ITPR1: variants seen among roughly 807,000 people sequenced by gnomAD.
The protein encoded by ITPR1 is inositol 1,4,5-trisphosphate-gated calcium channel ITPR1.
A neutral mutation model predicts 318.4 loss-of-function variants in ITPR1; 96 were observed. That is an observed-to-expected ratio of 0.30 (90% CI 0.26 to 0.36). ITPR1 has a LOEUF of 0.36. Ranked by LOEUF, ITPR1 falls within the 10% of genes least tolerant of loss-of-function variation. The probability of loss-of-function intolerance (pLI) is 1.00; values close to 1 mark genes in which losing one functional copy is unlikely to be tolerated. For missense variants in ITPR1, 2,440 were observed against 3,460.2 expected, an observed-to-expected ratio of 0.71 and a Z score of 7.40; for synonymous variants, 1,312 against 1,289.9, an observed-to-expected ratio of 1.02 and a Z score of -0.37.
At chr3:4,524,137 C>T (rs1263413335) in intron 4 of ITPR1, among the ~76,000 whole-genome samples, 1 of 152,168 alleles carries the variant, frequency 6.6e-6, no homozygotes, top group Non-Finnish European at 1.5e-5. Flanking sequence ...ATTCCATGTG[C>T]TAAACCAGAG....
intron 48 of ITPR1, among the ~76,000 whole-genome samples, chr3:4,777,687 G>C (rs1443836954): frequency 6.6e-6 from 1 of 151,786 alleles, no homozygotes; most frequent in East Asian, 1.9e-4. Flanking sequence ...GTCACAAAGA[G>C]AGAAACAGTG....
chr3:4,518,933 C>T (rs771687380), intron 3 of ITPR1, among the ~76,000 whole-genome samples: 4 of 152,248 alleles, frequency 2.6e-5, no homozygotes, highest in Middle Eastern at 3.4e-3. Context: ...AAAAACAAGA[C>T]GGGCAGGATT....
chr3:4,580,330 G>C (rs894826744), intron 4 of ITPR1, among the ~76,000 whole-genome samples: 2 of 152,188 alleles, frequency 1.3e-5, no homozygotes, highest in Admixed American at 6.5e-5. Context: ...TTTTAGGTTC[G>C]ATAAGGATTG....
At chr3:4,767,565 T>C (rs6772040) in intron 45 of ITPR1, among the ~76,000 whole-genome samples, 138,222 of 152,332 alleles carry the variant, frequency 0.91, 62,795 homozygotes, top group Middle Eastern at 0.97. Context: ...GTTGCCCAGG[T>C]TAGAGTGCAG....
intron 42 of ITPR1, among the ~76,000 whole-genome samples, chr3:4,729,471 C>T (rs2042749361): frequency 6.6e-6 from 1 of 152,222 alleles, no homozygotes; most frequent in South Asian, 2.1e-4. Context: ...TCACAGCTCA[C>T]ATGAGAGGGT....
chr3:4,661,113 C>T lies in ITPR1; in HGVS notation c.1251+26C>T, dbSNP rs6783245. On this transcript the variant is annotated intron_variant, in intron 14 of 61. Coordinates refer to ENST00000649015, the MANE Select transcript of ITPR1 (RefSeq NM_001378452.1). ...GTAAGTCCTGGGACTTGCCTGTCTC[C>T]TTTTGGTCTCGTGTTTCCTAATGAA... 56,596 of 1,354,710 alleles carry T rather than the reference C, an allele frequency of 0.042. 5,506 individuals carry two copies. The highest frequency in any genetic ancestry group is 0.35 in the African/African-American group (24,446 of 69,602). The allele number at this position is 1,354,710 out of a possible 1,614,324, so 83.9% of individuals were successfully genotyped here. A position where few individuals can be genotyped will look rare whatever the true frequency, so the allele number is the denominator to read the frequency against.
intron 5 of ITPR1, among the ~76,000 whole-genome samples, chr3:4,631,826 C>A (rs182813335): frequency 6.6e-6 from 1 of 151,842 alleles, no homozygotes; most frequent in Non-Finnish European, 1.5e-5. Flanking sequence ...TTACAGATAC[C>A]CCCAGGCTGG....
chr3:4,609,089 T>TATACACACACAC (rs1171860541), intron 4 of ITPR1, among the ~76,000 whole-genome samples: 7 of 91,952 alleles, frequency 7.6e-5, no homozygotes, highest in East Asian at 3.4e-4. Context: ...TATATATATA[T>TATACACACACAC]ACACACACAC....
At chr3:4,645,079 T>C (rs2093424990) in intron 8 of ITPR1, among the ~76,000 whole-genome samples, 1 of 152,234 alleles carries the variant, frequency 6.6e-6, no homozygotes, top group Non-Finnish European at 1.5e-5. Context: ...ATCAGGCCTT[T>C]ACTTTCTGGC....
chr3:4,549,658 G>A (rs543520816), intron 4 of ITPR1, among the ~76,000 whole-genome samples: 4 of 152,154 alleles, frequency 2.6e-5, no homozygotes, highest in East Asian at 1.9e-4. Flanking sequence ...TGGGGCTGCC[G>A]TCCTCTTCTG....
chr3:4,737,493 C>T (rs977506422), intron 44 of ITPR1, among the ~76,000 whole-genome samples: 2 of 152,168 alleles, frequency 1.3e-5, no homozygotes, highest in Non-Finnish European at 2.9e-5. Context: ...GTGAGAGCAG[C>T]AGTTGGGTTT....
chr3:4,540,448 TATTA>T (rs779790088), intron 4 of ITPR1, among the ~76,000 whole-genome samples: 2 of 152,238 alleles, frequency 1.3e-5, no homozygotes, highest in Non-Finnish European at 2.9e-5. Flanking sequence ...GTCTATTATC[TATTA>T]ATTGGAATGT....
intron 4 of ITPR1, among the ~76,000 whole-genome samples, chr3:4,529,619 C>A (rs970132220): frequency 8.5e-5 from 13 of 152,172 alleles, no homozygotes; most frequent in African/African-American, 2.9e-4. Flanking sequence ...CAATCCTGTG[C>A]CAAAACTAGG....
chr3:4,765,058 G>A (rs990576980), intron 44 of ITPR1, among the ~76,000 whole-genome samples: 3 of 133,778 alleles, frequency 2.2e-5, no homozygotes, highest in African/African-American at 5.7e-5. Flanking sequence ...GAAATAGCAG[G>A]AAACCTAAAA....
At position 4,829,966 on chromosome 3, in the gene ITPR1, TTTTTTTTTTTTTTG is replaced by T. The variant is rs1432441933; in HGVS notation, c.8029-6806_8029-6793del. ...AACATGTATAACAGTTTTTTTTTTT[TTTTTTTTTTTTTTG>T]TGTGTGTGTGTGAAACGGAGTCCTG... On this transcript the variant is annotated intron_variant, in intron 60 of 61. Transcript: ENST00000649015. Among the ~76,000 whole-genome samples the T allele has an allele frequency of 3.1e-4, 32 of 102,230 alleles. 2 individuals are homozygous for T. The East Asian group carries it at 7.5e-3, about 24-fold the overall frequency. The allele number at this position is 102,230 out of a possible 152,430, so 67.1% of individuals were successfully genotyped here.
chr3:4,623,291 C>T (rs993086434), intron 4 of ITPR1, among the ~76,000 whole-genome samples: 4 of 152,206 alleles, frequency 2.6e-5, no homozygotes, highest in Non-Finnish European at 5.9e-5. Context: ...CCACCCAGCC[C>T]CTTAACGCCT....
At chr3:4,692,726 G>A (rs2094498725) in intron 32 of ITPR1, among the ~76,000 whole-genome samples, 1 of 151,612 alleles carries the variant, frequency 6.6e-6, no homozygotes, top group African/African-American at 2.4e-5. Flanking sequence ...TGAAGAGTAA[G>A]TATGGAGAGG....
intron 44 of ITPR1, among the ~76,000 whole-genome samples, chr3:4,760,906 G>A (rs537044907): frequency 1.3e-5 from 2 of 152,344 alleles, no homozygotes; most frequent in South Asian, 2.1e-4. Flanking sequence ...AGCAGCTTTT[G>A]TTCCATCTGC....
chr3:4,505,625 G>T lies in ITPR1; in HGVS notation c.-16-10851G>T, dbSNP rs79673613. On this transcript the variant is annotated intron_variant, in intron 2 of 61. Transcript: ENST00000649015. The stretch of plus-strand genomic sequence containing the variant: ...GGATATGCCAAGAAAGAATGGGGAA[G>T]GCTGATGGACTTGTTGTTGGCTCCA... 8.5e-3 allele frequency among the ~76,000 whole-genome samples: 1,299 copies of T among 152,360 alleles called. 15 individuals carry two copies. The highest frequency in any genetic ancestry group is 0.03 in the African/African-American group (1,230 of 41,580).
Sources: allele counts gnomAD v4.1 joint callset (sites outside exome capture counted in the v4.1 genomes callset), GRCh38; gene constraint gnomAD v4.1.1; transcripts MANE v1.5; gene names NCBI Gene and HGNC (gene_info 2026-07-23, HGNC 2026-07-21).